IGSF10: variants seen among roughly 807,000 people sequenced by gnomAD.
IGSF10 encodes the protein immunoglobulin superfamily member 10, also known as calvaria mechanical force protein 608.
Under a neutral mutation model 128.2 loss-of-function variants are expected in IGSF10, and 126 were observed. That is an observed-to-expected ratio of 0.98 (90% CI 0.85 to 1.14). The LOEUF (loss-of-function observed/expected upper bound fraction) is 1.14. Among genes scored for constraint, IGSF10 ranks in the 50% most tolerant of loss-of-function variants. IGSF10 has a pLI of 0.00. For synonymous variants in IGSF10, 1,185 were observed against 1,146.2 expected, an observed-to-expected ratio of 1.03 and a Z score of -0.68; for missense variants, 3,295 against 3,149.8, an observed-to-expected ratio of 1.05 and a Z score of -1.10.
the IGSF10 span, among the ~76,000 whole-genome samples, chr3:151,485,883 A>G: frequency 6.6e-6 from 1 of 152,222 alleles, no homozygotes; most frequent in Non-Finnish European, 1.5e-5. Context: ...CTATGAAGAA[A>G]CTGCATCAAC....
At position 151,436,430 on chromosome 3, in the gene IGSF10, C is replaced by T. The variant is rs1577654202; in HGVS notation, c.*259G>A. On this transcript the variant is annotated 3_prime_UTR_variant, in exon 8 of 8. Coordinates refer to ENST00000282466, the MANE Select transcript of IGSF10 (RefSeq NM_178822.5). ...AGCCATTTGTTATTTTATAGTGAAC[C>T]GTTTCAATGTTTGTTTATTGTTATT... The T allele has an allele frequency of 3.2e-6, 1 of 311,750 alleles. No homozygotes were observed. The highest frequency in any genetic ancestry group is 6.6e-5 in the East Asian group (1 of 15,052). 19.3% of individuals were successfully genotyped at this position (311,750 alleles called of 1,614,324 possible).
the IGSF10 span, among the ~76,000 whole-genome samples, chr3:151,589,549 C>G: frequency 6.6e-6 from 1 of 152,130 alleles, no homozygotes; most frequent in Admixed American, 6.5e-5. Flanking sequence ...CATAGTAAAC[C>G]TCTTCACTGT....
chr3:151,493,865 A>T, the IGSF10 span, among the ~76,000 whole-genome samples: 3 of 151,700 alleles, frequency 2.0e-5, no homozygotes, highest in African/African-American at 7.3e-5. Context: ...ACAAACAAAC[A>T]AACAAAAACA....
chr3:151,541,355 T>A, the IGSF10 span, among the ~76,000 whole-genome samples: 2 of 152,214 alleles, frequency 1.3e-5, no homozygotes, highest in African/African-American at 2.4e-5. Context: ...TTTGTTATGA[T>A]ACAGAGCTGA....
the IGSF10 span, among the ~76,000 whole-genome samples, chr3:151,523,889 A>C: frequency 1.8e-4 from 28 of 152,296 alleles, no homozygotes; most frequent in African/African-American, 6.3e-4. Flanking sequence ...AAGGGGAGAA[A>C]ATTTTTGTAA....
At chr3:151,444,470 G>A (rs534272715) in intron 6 of IGSF10, among the ~76,000 whole-genome samples, 28 of 152,122 alleles carry the variant, frequency 1.8e-4, no homozygotes, top group African/African-American at 6.0e-4. Context: ...ACCACACCCG[G>A]CTAATTTATG....
chr3:151,593,689 A>G, the IGSF10 span, among the ~76,000 whole-genome samples: 3 of 152,184 alleles, frequency 2.0e-5, no homozygotes, highest in Non-Finnish European at 2.9e-5. Flanking sequence ...AAAAAATAGC[A>G]AAAGTAGATA....
At chr3:151,456,471 G>A (rs1242511287) in intron 4 of IGSF10, among the ~76,000 whole-genome samples, 1 of 152,126 alleles carries the variant, frequency 6.6e-6, no homozygotes, top group Non-Finnish European at 1.5e-5. Flanking sequence ...CAGACTTAAA[G>A]GTCTCTATGT....
chr3:151,473,202 G>T, the IGSF10 span, among the ~76,000 whole-genome samples: 1 of 152,126 alleles, frequency 6.6e-6, no homozygotes. Flanking sequence ...TCAGTTGATG[G>T]CTTTAGCTCA....
rs776234855 is a variant in IGSF10 at position 151,448,797 on chromosome 3, C to T, written c.1184G>A (p.Ser395Asn). Residue 395 changes from serine to asparagine, a missense_variant, in exon 6 of 8, where the codon AGT becomes AAT. Physicochemically the swap from Ser to Asn is conservative, Grantham distance 46. Transcript: ENST00000282466. ...PLILERSHLL[S>N]ETPQLYYKYK... is the part of the protein sequence containing the mutation. ...TTTGTAATAGAGCTGCGGTGTTTCA[C>T]TAAGCAAGTGGCTCCTTTCTAGTAT... The T allele has an allele frequency of 6.2e-7, 1 of 1,613,560 alleles. No homozygotes were observed. The highest frequency in any genetic ancestry group is 8.5e-7 in the Non-Finnish European group (1 of 1,179,484).
At chr3:151,554,681 A>G in the IGSF10 span, among the ~76,000 whole-genome samples, 1 of 152,188 alleles carries the variant, frequency 6.6e-6, no homozygotes, top group African/African-American at 2.4e-5. Flanking sequence ...ATTTCATACA[A>G]TCTTTGAATT....
intron 6 of IGSF10, among the ~76,000 whole-genome samples, chr3:151,444,341 C>T (rs548120848): frequency 9.2e-5 from 14 of 152,228 alleles, no homozygotes; most frequent in African/African-American, 1.4e-4. Context: ...GAGTTTCACT[C>T]TTGTTGCCCA....
At chr3:151,441,089 G>A (rs897349189) in intron 7 of IGSF10, among the ~76,000 whole-genome samples, 1 of 152,182 alleles carries the variant, frequency 6.6e-6, no homozygotes, top group African/African-American at 2.4e-5. Flanking sequence ...CAGAGCTCCT[G>A]ATTCAACAAA....
At chr3:151,486,562 G>A in the IGSF10 span, among the ~76,000 whole-genome samples, 7 of 152,188 alleles carry the variant, frequency 4.6e-5, no homozygotes, top group Admixed American at 4.6e-4. Context: ...TCATATAATT[G>A]GAAGTAAAAC....
chr3:151,449,276 A>G lies in IGSF10; in HGVS notation c.716-11T>C, dbSNP rs761468158. The G allele has an allele frequency of 4.0e-5, 63 of 1,556,098 alleles. No individual in the cohort carries two copies. The highest frequency in any genetic ancestry group is 5.3e-5 in the Non-Finnish European group (61 of 1,153,824). On this transcript the variant is annotated splice_polypyrimidine_tract_variant and intron_variant, in intron 5 of 7. Transcript: ENST00000282466. ...TGCATTTTATTACATCTGGAAAAAA[A>G]TCACAATTGAATTATCAGTTGTGAC... is the stretch of plus-strand genomic sequence containing the variant.
chr3:151,617,743 G>A, the IGSF10 span, among the ~76,000 whole-genome samples: 1 of 152,076 alleles, frequency 6.6e-6, no homozygotes, highest in African/African-American at 2.4e-5. Context: ...AACTTATGTT[G>A]AAACTTAATC....
At chr3:151,523,438 C>T in the IGSF10 span, among the ~76,000 whole-genome samples, 95 of 152,202 alleles carry the variant, frequency 6.2e-4, no homozygotes, top group South Asian at 1.9e-3. Context: ...CTACAGTAAA[C>T]GAAACAGCAT....
chr3:151,593,458 T>C, the IGSF10 span, among the ~76,000 whole-genome samples: 2 of 152,044 alleles, frequency 1.3e-5, no homozygotes, highest in Non-Finnish European at 2.9e-5. Context: ...TAGAGGCTGC[T>C]ACCACCATTT....
chr3:151,458,897 G>A (rs571632777), intron 2 of IGSF10, among the ~76,000 whole-genome samples, 187 bp from the exon 3 acceptor site: 47 of 152,236 alleles, frequency 3.1e-4, no homozygotes, highest in African/African-American at 1.0e-3. Flanking sequence ...CTCACACTGC[G>A]CTTTATGATC....
Sources: allele counts gnomAD v4.1 joint callset (sites outside exome capture counted in the v4.1 genomes callset), GRCh38; gene constraint gnomAD v4.1.1; transcripts MANE v1.5; gene names NCBI Gene and HGNC (gene_info 2026-07-23, HGNC 2026-07-21).